Variants in DPYD observed in about 807,000 individuals in gnomAD.
DPYD encodes the protein dihydropyrimidine dehydrogenase.
In DPYD, 109 loss-of-function variants were observed where a neutral mutation model predicts 116.2. That is an observed-to-expected ratio of 0.94 (90% CI 0.80 to 1.10). The LOEUF (loss-of-function observed/expected upper bound fraction) is 1.10. Among genes scored for constraint, DPYD ranks in the 50% least tolerant of loss-of-function variants. The pLI, the probability that DPYD is intolerant of heterozygous loss-of-function variation, is 0.00. For missense variants in DPYD, 1,302 were observed against 1,254.5 expected (o/e 1.04, Z -0.57); for synonymous variants, 440 against 432.0 (o/e 1.02, Z -0.23).
chr1:97,482,055 T>C (rs1237766925), intron 13 of DPYD, among the ~76,000 whole-genome samples: 2 of 152,160 alleles, frequency 1.3e-5, no homozygotes, highest in African/African-American at 4.8e-5. Flanking sequence ...AGAAGAAAGG[T>C]CTATTACATT....
At chr1:97,766,832 T>A (rs1458042031) in intron 3 of DPYD, among the ~76,000 whole-genome samples, 2 of 152,204 alleles carry the variant, frequency 1.3e-5, no homozygotes, top group Non-Finnish European at 2.9e-5. Flanking sequence ...AACTAAATTG[T>A]CTGCAACTTT....
chr1:97,664,249 C>A (rs560178559), intron 8 of DPYD, among the ~76,000 whole-genome samples: 14 of 151,860 alleles, frequency 9.2e-5, no homozygotes, highest in Middle Eastern at 3.4e-3. Flanking sequence ...TCTAAGGAAA[C>A]TTATAAATAT....
chr1:97,395,812 T>A (rs1281872438), intron 14 of DPYD, among the ~76,000 whole-genome samples: 2 of 151,930 alleles, frequency 1.3e-5, no homozygotes, highest in African/African-American at 4.8e-5. Context: ...CTTACTCTCT[T>A]GAAATCCTAC....
chr1:97,087,513 G>A (rs918946816), intron 21 of DPYD, among the ~76,000 whole-genome samples: 1 of 152,138 alleles, frequency 6.6e-6, no homozygotes, highest in African/African-American at 2.4e-5. Flanking sequence ...ATGGAATAGC[G>A]GCAAGTGAGA....
chr1:97,264,882 G>A (rs1355772733), intron 18 of DPYD, among the ~76,000 whole-genome samples: 3 of 152,064 alleles, frequency 2.0e-5, no homozygotes, highest in Non-Finnish European at 4.4e-5. Context: ...CTATGACTTC[G>A]AGACCTGAAA....
chr1:97,800,788 A>G (rs1305691306), intron 3 of DPYD, among the ~76,000 whole-genome samples: 1 of 151,842 alleles, frequency 6.6e-6, no homozygotes, highest in African/African-American at 2.4e-5. Context: ...GTGTAACTAG[A>G]TTCCATCTCC....
chr1:97,233,043 C>T (rs757036480), intron 19 of DPYD, among the ~76,000 whole-genome samples: 9 of 152,142 alleles, frequency 5.9e-5, no homozygotes, highest in Non-Finnish European at 8.8e-5. Context: ...TGCTAGCTTT[C>T]CTTGGTGTCA....
chr1:97,240,024 A>G (rs1395495782), intron 18 of DPYD, among the ~76,000 whole-genome samples: 1 of 152,036 alleles, frequency 6.6e-6, no homozygotes, highest in Non-Finnish European at 1.5e-5. Context: ...TTGTGTGTTT[A>G]GTGATGCAAT....
intron 3 of DPYD, among the ~76,000 whole-genome samples, chr1:97,786,414 A>T (rs1667031727): frequency 6.6e-6 from 1 of 152,060 alleles, no homozygotes; most frequent in African/African-American, 2.4e-5. Context: ...CTTACAAATG[A>T]TTTTTTTTAA....
intron 10 of DPYD, among the ~76,000 whole-genome samples, chr1:97,574,924 A>G (rs1365843667): frequency 6.6e-6 from 1 of 152,142 alleles, no homozygotes; most frequent in Non-Finnish European, 1.5e-5. Flanking sequence ...GCTTCAAACT[A>G]AGAGTTATCT....
chr1:97,108,863 T>A (rs542529235), intron 20 of DPYD, among the ~76,000 whole-genome samples: 2 of 152,206 alleles, frequency 1.3e-5, no homozygotes, highest in South Asian at 4.1e-4. Context: ...ATAACAGGCA[T>A]GAAATTACTA....
At chr1:97,582,977 TTTG>T (rs1653799398) in intron 10 of DPYD, among the ~76,000 whole-genome samples, 2 of 152,154 alleles carry the variant, frequency 1.3e-5, no homozygotes, top group Admixed American at 1.3e-4. Flanking sequence ...GTTGTTGTTG[TTTG>T]TTTTTTGAGA....
chr1:97,134,658 T>A (rs1653647712), intron 20 of DPYD, among the ~76,000 whole-genome samples: 1 of 152,206 alleles, frequency 6.6e-6, no homozygotes, highest in South Asian at 2.1e-4. Context: ...TCAGTAGATT[T>A]TCACTATTTG....
chr1:97,494,402 G>T (rs1205789387), intron 13 of DPYD, among the ~76,000 whole-genome samples: 1 of 152,096 alleles, frequency 6.6e-6, no homozygotes, highest in Non-Finnish European at 1.5e-5. Context: ...GAACTGAAAA[G>T]AGCTGATAGC....
At chr1:97,711,186 T>C (rs369129358) in intron 5 of DPYD, among the ~76,000 whole-genome samples, 4 of 152,050 alleles carry the variant, frequency 2.6e-5, no homozygotes, top group Admixed American at 1.3e-4. Context: ...GTCTGTGTTA[T>C]TATGACTAAA....
chr1:97,304,587 C>G (rs1431942399), intron 18 of DPYD, among the ~76,000 whole-genome samples: 1 of 151,962 alleles, frequency 6.6e-6, no homozygotes, highest in African/African-American at 2.4e-5. Context: ...ACCACTTTCT[C>G]TATCACCAAG....
intron 8 of DPYD, among the ~76,000 whole-genome samples, chr1:97,612,720 T>C (rs1316811810): frequency 3.3e-5 from 5 of 152,068 alleles, no homozygotes; most frequent in Non-Finnish European, 7.4e-5. Flanking sequence ...TTAATGATTA[T>C]ATGCAAAATG....
At chr1:97,787,639 A>T (rs1400091110) in intron 3 of DPYD, among the ~76,000 whole-genome samples, 3 of 152,208 alleles carry the variant, frequency 2.0e-5, no homozygotes, top group Non-Finnish European at 2.9e-5. Flanking sequence ...ATTTGTTCAT[A>T]AAAAAGAAAA....
intron 8 of DPYD, among the ~76,000 whole-genome samples, chr1:97,640,579 G>A: frequency 6.6e-6 from 1 of 152,160 alleles, no homozygotes; most frequent in East Asian, 1.9e-4. Context: ...ACAGTGCTGG[G>A]ATTATAGGTG....
Sources: gnomAD v4.1 joint callset for allele counts (sites outside exome capture counted in the v4.1 genomes callset) on GRCh38, gnomAD v4.1.1 for gene constraint, MANE v1.5 for transcripts, NCBI Gene and HGNC (gene_info 2026-07-23, HGNC 2026-07-21) for gene names.